The following CFAP161 variants were observed in gnomAD, a reference collection of about 807,000 sequenced individuals.
CFAP161 encodes the protein cilia- and flagella-associated protein 161.
In CFAP161, 25 loss-of-function variants were observed where a neutral mutation model predicts 29.0. The ratio of observed to expected loss-of-function variants is 0.86; its 90% confidence interval spans 0.63 to 1.20. The LOEUF is 1.20. Among genes scored for constraint, CFAP161 ranks in the 50% most tolerant of loss-of-function variants. The pLI is 0.00. For missense variants in CFAP161, 367 were observed against 371.9 expected (o/e 0.99, Z 0.11); for synonymous variants, 116 against 137.4 (o/e 0.84, Z 1.09).
intron 1 of CFAP161, among the ~76,000 whole-genome samples, chr15:81,123,375 C>T (rs1415038190): frequency 6.6e-6 from 1 of 152,128 alleles, no homozygotes. Flanking sequence ...TCTGGGTTCT[C>T]TCTTCTGTTC....
chr15:81,100,068 G>T (rs2141857161), intron 1 of CFAP161, among the ~76,000 whole-genome samples: 1 of 151,800 alleles, frequency 6.6e-6, no homozygotes, highest in South Asian at 2.1e-4. Context: ...CTCAATAAGT[G>T]TTATAAGAGG....
chr15:81,124,395 C>G (rs1894614251), intron 1 of CFAP161, among the ~76,000 whole-genome samples: 1 of 152,128 alleles, frequency 6.6e-6, no homozygotes, highest in South Asian at 2.1e-4. Flanking sequence ...CTTTGATATG[C>G]TGCTGGATTC....
At chr15:81,120,573 G>A (rs561283707) in intron 1 of CFAP161, among the ~76,000 whole-genome samples, 13 of 152,250 alleles carry the variant, frequency 8.5e-5, no homozygotes, top group African/African-American at 3.1e-4. Flanking sequence ...TTCAAGACCA[G>A]CTCTGACAAC....
intron 1 of CFAP161, among the ~76,000 whole-genome samples, chr15:81,115,251 A>G (rs1216536260): frequency 6.6e-6 from 1 of 152,146 alleles, no homozygotes; most frequent in African/African-American, 2.4e-5. Flanking sequence ...TTTGATTCTG[A>G]TAACTTTCAC....
chr15:81,122,839 T>C (rs1445735198), intron 1 of CFAP161, among the ~76,000 whole-genome samples: 1 of 152,188 alleles, frequency 6.6e-6, no homozygotes, highest in Non-Finnish European at 1.5e-5. Flanking sequence ...ATATCTTCTT[T>C]TGATAAGTGT....
At chr15:81,103,998 A>C (rs1227817877) in intron 1 of CFAP161, among the ~76,000 whole-genome samples, 3 of 152,198 alleles carry the variant, frequency 2.0e-5, no homozygotes, top group African/African-American at 7.2e-5. Flanking sequence ...GAGGAAAAAC[A>C]TGATTTCAGA....
intron 4 of CFAP161, among the ~76,000 whole-genome samples, chr15:81,141,113 G>A (rs115164627): frequency 0.014 from 2,094 of 152,184 alleles, 42 homozygotes; most frequent in African/African-American, 0.048. Context: ...ATTTTGATTG[G>A]CATTGTAAAA....
intron 4 of CFAP161, among the ~76,000 whole-genome samples, chr15:81,138,592 G>C (rs1894852412): frequency 6.6e-6 from 1 of 152,122 alleles, no homozygotes; most frequent in African/African-American, 2.4e-5. Context: ...GCATAAATCA[G>C]GGAGCCTTGG....
chr15:81,113,713 C>A (rs1453158262), intron 1 of CFAP161, among the ~76,000 whole-genome samples: 1 of 152,184 alleles, frequency 6.6e-6, no homozygotes, highest in African/African-American at 2.4e-5. Flanking sequence ...GCCACCTTCC[C>A]AGCACCTCGA....
At chr15:81,100,541 T>A (rs1894291019) in intron 1 of CFAP161, among the ~76,000 whole-genome samples, 1 of 152,070 alleles carries the variant, frequency 6.6e-6, no homozygotes, top group African/African-American at 2.4e-5. Flanking sequence ...CTAGCTCCAT[T>A]TTTCTTCCAT....
At position 81,148,458 on chromosome 15, in the gene CFAP161, C is replaced by T; in HGVS notation, c.831C>T (p.Ser277=). 6.2e-7 allele frequency: 1 copy of T among 1,614,202 alleles called. No individual in the cohort carries two copies. The highest frequency in any genetic ancestry group is 8.5e-7 in the Non-Finnish European group (1 of 1,180,034). The change falls in exon 7 of 7, where the codon TCC becomes TCT. Residue 277 remains serine, a synonymous_variant. Coordinates refer to ENST00000286732, the MANE Select transcript of CFAP161 (RefSeq NM_173528.4). ...VTGNPRDASS[S]MLDLPKPPTE... Reference sequence around the variant, plus strand: ...GGAATCCCAGGGATGCCTCGTCCTCCATGTTGGATCTGCCCAAACCACCCA... The same window carrying T: ...GGAATCCCAGGGATGCCTCGTCCTCTATGTTGGATCTGCCCAAACCACCCA...
chr15:81,136,682 T>C lies in CFAP161; in HGVS notation c.326T>C (p.Val109Ala), dbSNP rs1237031593. ...TCCCATCTGAAAGACGAATTAGAGG[T>C]ACCCTGTGGCCTGAGCGCAGTTCAA... Reference protein sequence around the residue: ...IQSHLKDELEVPCGLSAVQAK... With the variant: ...IQSHLKDELEAPCGLSAVQAK... Residue 109 changes from valine (V) to alanine (A), a missense_variant, in exon 3 of 7, where the codon GTA becomes GCA. Val to Ala is a moderately conservative substitution (Grantham distance 64). Coordinates refer to ENST00000286732, the MANE Select transcript of CFAP161 (RefSeq NM_173528.4). 2 of 1,614,118 alleles carry C rather than the reference T, an allele frequency of 1.2e-6. No homozygotes were observed. Among genetic ancestry groups the C allele is most frequent in the South Asian group, 2.2e-5 (2 of 91,072 alleles).
intron 1 of CFAP161, chr15:81,099,606 C>T (rs959820980): frequency 6.6e-6 from 1 of 152,158 alleles, no homozygotes; most frequent in African/African-American, 2.4e-5. Flanking sequence ...AGCTCAGCTC[C>T]TAGAAATTAT....
At chr15:81,136,830 ACT>A (rs1894819986) in intron 3 of CFAP161, 82 bp downstream of exon 3, 1 of 1,161,592 alleles carries the variant, frequency 8.6e-7, no homozygotes, top group African/African-American at 1.5e-5. Context: ...TATTGGAGCC[ACT>A]GAGTGGAGGG....
rs1050986474 is a variant in CFAP161, at chr15:81,147,290, C to G, written c.637-568C>G. 2.6e-5 allele frequency among the ~76,000 whole-genome samples: 4 copies of G among 152,060 alleles called. No individual in the cohort carries two copies. In the South Asian group the frequency reaches 6.2e-4, roughly 24 times the overall value. On this transcript the variant is annotated intron_variant, in intron 5 of 6. Coordinates refer to ENST00000286732, the MANE Select transcript of CFAP161 (RefSeq NM_173528.4). ...TTGTTCTTTCTTTCTTCCTCTCCCC[C>G]CCAGTACCCGCTCTTTTCACTTTAA...
At chr15:81,118,052 G>C (rs569389703) in intron 1 of CFAP161, 1 of 508,300 alleles carries the variant, frequency 2.0e-6, no homozygotes, top group Admixed American at 2.9e-5. Flanking sequence ...AGGCTTTTTA[G>C]ACATTCCAAC....
chr15:81,139,616 C>G (rs1480425677), intron 4 of CFAP161, among the ~76,000 whole-genome samples: 1 of 151,904 alleles, frequency 6.6e-6, no homozygotes, highest in East Asian at 1.9e-4. Flanking sequence ...CATAATTTAC[C>G]TAGTCTTTCT....
upstream of CFAP161, among the ~76,000 whole-genome samples, chr15:81,130,039 A>G (rs191274327): frequency 6.6e-5 from 10 of 151,754 alleles, no homozygotes; most frequent in Admixed American, 6.6e-4. Flanking sequence ...AACTTGGTGC[A>G]GCCTTTACAT....
At chr15:81,107,095 G>A (rs180700341) in intron 1 of CFAP161, among the ~76,000 whole-genome samples, 2 of 152,184 alleles carry the variant, frequency 1.3e-5, no homozygotes, top group African/African-American at 2.4e-5. Flanking sequence ...AGCCCAATGC[G>A]ACTATCTAAA....
Sources: gnomAD v4.1 joint callset for allele counts (sites outside exome capture counted in the v4.1 genomes callset) on GRCh38, gnomAD v4.1.1 for gene constraint, MANE v1.5 for transcripts, NCBI Gene and HGNC (gene_info 2026-07-23, HGNC 2026-07-21) for gene names.